Variants in PPP2R5E observed in about 807,000 individuals in gnomAD.
The protein encoded by PPP2R5E is serine/threonine-protein phosphatase 2A 56 kDa regulatory subunit epsilon isoform.
In PPP2R5E, 4 loss-of-function variants were observed where a neutral mutation model predicts 65.3. The ratio of observed to expected loss-of-function variants is 0.06; its 90% CI spans 0.03 to 0.14. The LOEUF (loss-of-function observed/expected upper bound fraction) is 0.14, where lower values mean the gene tolerates loss of function less well. PPP2R5E is among the 10% of genes least tolerant of loss of function. The probability of loss-of-function intolerance (pLI) is 1.00; values close to 1 mark genes in which losing one functional copy is unlikely to be tolerated. For synonymous variants in PPP2R5E, 183 were observed against 187.4 expected (o/e 0.98, Z 0.19); for missense variants, 274 against 556.1 (o/e 0.49, Z 5.10).
chr14:63,426,749 G>T (rs978148498), intron 3 of PPP2R5E, among the ~76,000 whole-genome samples: 2 of 148,652 alleles, frequency 1.3e-5, no homozygotes, highest in South Asian at 4.3e-4. Flanking sequence ...ATACCAGAGA[G>T]CTTGGCTCAT....
At chr14:63,515,674 C>T (rs1038327695) in intron 2 of PPP2R5E, among the ~76,000 whole-genome samples, 1 of 151,668 alleles carries the variant, frequency 6.6e-6, no homozygotes, top group Non-Finnish European at 1.5e-5. Flanking sequence ...GTGCCTGCCA[C>T]CATGCCTGGC....
chr14:63,397,159 G>A (rs1040823965), intron 5 of PPP2R5E, among the ~76,000 whole-genome samples: 3 of 152,174 alleles, frequency 2.0e-5, no homozygotes, highest in East Asian at 1.9e-4. Flanking sequence ...CCAAAAGTCC[G>A]TAGCTCAACC....
intron 3 of PPP2R5E, among the ~76,000 whole-genome samples, chr14:63,424,683 G>A (rs1887234194): frequency 6.7e-6 from 1 of 149,630 alleles, no homozygotes; most frequent in Admixed American, 6.6e-5. Context: ...CCCGGGAGGC[G>A]GAGCTTGCAG....
intron 7 of PPP2R5E, among the ~76,000 whole-genome samples, 183 bp downstream of exon 7, chr14:63,395,043 G>A (rs988656860): frequency 2.6e-5 from 4 of 152,166 alleles, no homozygotes; most frequent in Non-Finnish European, 5.9e-5. Flanking sequence ...CATACTTGTG[G>A]AACAAGGGGA....
At chr14:63,508,915 C>T (rs910534859) in intron 2 of PPP2R5E, among the ~76,000 whole-genome samples, 2 of 152,222 alleles carry the variant, frequency 1.3e-5, no homozygotes, top group Non-Finnish European at 2.9e-5. Flanking sequence ...TCACATGTCT[C>T]AGCTTTTCCA....
intron 2 of PPP2R5E, among the ~76,000 whole-genome samples, chr14:63,527,635 G>T (rs935939357): frequency 6.6e-6 from 1 of 152,046 alleles, no homozygotes; most frequent in African/African-American, 2.4e-5. Flanking sequence ...GAAAACCAAG[G>T]CTTAGAAGTC....
intron 2 of PPP2R5E, among the ~76,000 whole-genome samples, chr14:63,469,963 C>T (rs2139552723): frequency 6.6e-6 from 1 of 152,286 alleles, no homozygotes; most frequent in Admixed American, 6.5e-5. Context: ...GATAATTTTA[C>T]ACCAAAATGA....
Position 63,410,235 on chromosome 14 carries a change from T to C in PPP2R5E, c.549+4905A>G, listed in dbSNP as rs186832574. Among the ~76,000 whole-genome samples the C allele has an allele frequency of 2.7e-3, 416 of 151,994 alleles. 2 individuals carry two copies. The highest frequency in any genetic ancestry group is 2.9e-3 in the Non-Finnish European group (194 of 67,974). ...GAGACCACTGAAAACCCACAGAAAATAGAAATCTGCCCAAAGAAAAGAAAC... is the reference window on the plus strand; with the variant it reads ...GAGACCACTGAAAACCCACAGAAAACAGAAATCTGCCCAAAGAAAAGAAAC... On this transcript the variant is annotated intron_variant, in intron 5 of 13. Coordinates refer to ENST00000337537, the MANE Select transcript of PPP2R5E (RefSeq NM_006246.5).
intron 3 of PPP2R5E, among the ~76,000 whole-genome samples, chr14:63,426,446 C>T (rs368610066): frequency 2.8e-4 from 42 of 150,808 alleles, no homozygotes; most frequent in East Asian, 1.7e-3. Context: ...AAGATTTGGA[C>T]GGAAAGGCAA....
intron 4 of PPP2R5E, among the ~76,000 whole-genome samples, chr14:63,420,860 G>A (rs1348874207): frequency 9.7e-6 from 1 of 102,678 alleles, no homozygotes; most frequent in South Asian, 2.7e-4. Context: ...AGACCATCCC[G>A]GCTAAAACGG....
intron 3 of PPP2R5E, chr14:63,451,338 A>T (rs1444091917): frequency 6.6e-6 from 1 of 152,232 alleles, no homozygotes; most frequent in African/African-American, 2.4e-5. Context: ...AGGTGAATGG[A>T]TAAACTATGG....
At chr14:63,500,328 T>C (rs1891804390) in intron 2 of PPP2R5E, among the ~76,000 whole-genome samples, 1 of 152,220 alleles carries the variant, frequency 6.6e-6, no homozygotes, top group Non-Finnish European at 1.5e-5. Context: ...GTACATCACC[T>C]CTCATTCAAA....
At chr14:63,499,936 T>C (rs1019644083) in intron 2 of PPP2R5E, among the ~76,000 whole-genome samples, 1 of 152,200 alleles carries the variant, frequency 6.6e-6, no homozygotes, top group Non-Finnish European at 1.5e-5. Context: ...GTTTTTTGTC[T>C]GGTATTTCAC....
intron 2 of PPP2R5E, among the ~76,000 whole-genome samples, chr14:63,484,753 G>C (rs1356085749): frequency 6.6e-6 from 1 of 152,160 alleles, no homozygotes; most frequent in African/African-American, 2.4e-5. Context: ...AAAAGATATG[G>C]AGAGGTTCAA....
At chr14:63,475,624 T>C (rs1890369882) in intron 2 of PPP2R5E, among the ~76,000 whole-genome samples, 1 of 152,174 alleles carries the variant, frequency 6.6e-6, no homozygotes. Flanking sequence ...GATAATACAT[T>C]GAAGACTAAC....
At chr14:63,471,549 T>C (rs191022614) in intron 2 of PPP2R5E, among the ~76,000 whole-genome samples, 150 of 152,344 alleles carry the variant, frequency 9.8e-4, no homozygotes, top group African/African-American at 3.2e-3. Flanking sequence ...AGTAAGCACT[T>C]ACTCTGTGGC....
intron 3 of PPP2R5E, among the ~76,000 whole-genome samples, chr14:63,424,967 G>A (rs925003974): frequency 5.3e-5 from 8 of 152,102 alleles, no homozygotes; most frequent in African/African-American, 1.9e-4. Context: ...CGTATCTATT[G>A]GACTTGGTGG....
At chr14:63,483,443 A>G (rs937489772) in intron 2 of PPP2R5E, among the ~76,000 whole-genome samples, 2 of 152,338 alleles carry the variant, frequency 1.3e-5, no homozygotes, top group Non-Finnish European at 1.5e-5. Context: ...GGGGTTGGCC[A>G]GAATCACAAG....
At chr14:63,501,501 A>G (rs571498909) in intron 2 of PPP2R5E, among the ~76,000 whole-genome samples, 4 of 152,272 alleles carry the variant, frequency 2.6e-5, no homozygotes, top group African/African-American at 9.6e-5. Flanking sequence ...TACATACATA[A>G]AGTAGATTAG....
Sources: gnomAD v4.1 joint callset for allele counts (sites outside exome capture counted in the v4.1 genomes callset) on GRCh38, gnomAD v4.1.1 for gene constraint, MANE v1.5 for transcripts, NCBI Gene and HGNC (gene_info 2026-07-23, HGNC 2026-07-21) for gene names.